Variants in KDM4B observed in about 807,000 individuals in gnomAD.
KDM4B encodes lysine demethylase 4B.
In KDM4B, 32 loss-of-function variants were observed where a neutral mutation model predicts 125.2. The ratio of observed to expected loss-of-function variants is 0.26; its 90% CI spans 0.19 to 0.34. KDM4B has a LOEUF of 0.34. Ranked by LOEUF, KDM4B falls within the 10% of genes least tolerant of loss-of-function variation. The pLI, the probability that KDM4B is intolerant of heterozygous loss-of-function variation, is 1.00. For synonymous variants in KDM4B, 721 were observed against 677.9 expected (o/e 1.06, Z -0.99); for missense variants, 1,190 against 1,577.7 (o/e 0.75, Z 4.16).
In KDM4B at chr19:5,111,403, C is replaced by A. The variant is rs374411294; in HGVS notation, c.1115+585C>A. On this transcript the variant is annotated intron_variant, in intron 10 of 22. Transcript: ENST00000159111. ...CCCTCCCTGCGTATCGCCGCACAGACCCTCCCAGCCAGGTATCTGGTGTCC... is the reference window on the plus strand; with the variant it reads ...CCCTCCCTGCGTATCGCCGCACAGAACCTCCCAGCCAGGTATCTGGTGTCC... 5.2e-6 allele frequency: 4 copies of A among 765,318 alleles called. No individual in the cohort carries two copies. In the South Asian group the frequency reaches 5.4e-5, roughly 10 times the overall value. 47.4% of individuals were successfully genotyped at this position (765,318 alleles called of 1,614,324 possible).
At chr19:5,047,429 T>G (rs1474231050) in intron 5 of KDM4B, 47 bp from the exon 6 acceptor site, 1 of 1,508,286 alleles carries the variant, frequency 6.6e-7, no homozygotes, top group Non-Finnish European at 9.0e-7. Flanking sequence ...GCTCGCAGGT[T>G]CTGGGGGTGG....
Position 5,000,509 on chromosome 19 carries a change from C to T in KDM4B, c.-108-15748C>T, listed in dbSNP as rs116135653. Among the ~76,000 whole-genome samples, 754 of 152,132 alleles carry T rather than the reference C, an allele frequency of 5.0e-3. 8 individuals are homozygous for T. The highest frequency in any genetic ancestry group is 0.017 in the African/African-American group (722 of 41,494). ...GAAACCTCTAGTTCCAGCCCCACAC[C>T]CAGGGTCCCTTACCATCTTTCCCCA... On this transcript the variant is annotated intron_variant, in intron 1 of 22. Coordinates refer to ENST00000159111, the MANE Select transcript of KDM4B (RefSeq NM_015015.3).
intron 12 of KDM4B, 50 bp downstream of exon 12, chr19:5,131,595 C>CCGGGG (rs2146058290): frequency 2.2e-5 from 4 of 181,614 alleles, no homozygotes; most frequent in East Asian, 1.6e-4. Context: ...TGGGGTGGGG[C>CCGGGG]AGGGGAGGAG....
At chr19:5,053,751 C>A (rs975372703) in intron 6 of KDM4B, among the ~76,000 whole-genome samples, 1 of 152,256 alleles carries the variant, frequency 6.6e-6, no homozygotes, top group African/African-American at 2.4e-5. Flanking sequence ...GCAAGTGAGG[C>A]CCCCAGGCCC....
At chr19:5,025,219 C>T (rs1042303917) in intron 2 of KDM4B, among the ~76,000 whole-genome samples, 1 of 151,784 alleles carries the variant, frequency 6.6e-6, no homozygotes, top group Non-Finnish European at 1.5e-5. Context: ...TGGTGGCTCA[C>T]GCCTATAATC....
intron 6 of KDM4B, among the ~76,000 whole-genome samples, chr19:5,057,916 C>T (rs988076344): frequency 1.3e-5 from 2 of 152,210 alleles, no homozygotes; most frequent in African/African-American, 4.8e-5. Context: ...TGCAGGGATG[C>T]GGGGACCGAG....
intron 3 of KDM4B, among the ~76,000 whole-genome samples, 191 bp from the exon 4 acceptor site, chr19:5,039,645 G>T (rs968234660): frequency 1.3e-5 from 2 of 152,116 alleles, no homozygotes; most frequent in African/African-American, 4.8e-5. Flanking sequence ...AGCAGGTGAG[G>T]CCCTTGTTGG....
chr19:5,011,816 C>A (rs1360257780), intron 1 of KDM4B, among the ~76,000 whole-genome samples: 1 of 152,244 alleles, frequency 6.6e-6, no homozygotes, highest in Non-Finnish European at 1.5e-5. Flanking sequence ...AGAGTACCTC[C>A]TTTTGGGGGG....
intron 2 of KDM4B, among the ~76,000 whole-genome samples, chr19:5,020,579 C>G (rs2036083439): frequency 6.6e-6 from 1 of 152,172 alleles, no homozygotes; most frequent in South Asian, 2.1e-4. Flanking sequence ...ACCCTGGAGC[C>G]GTCGCTTGGT....
Position 4,969,479 on chromosome 19 carries a change from C to A in KDM4B, c.-109+249C>A, listed in dbSNP as rs1297024293. 1.0e-4 allele frequency among the ~76,000 whole-genome samples: 15 copies of A among 148,870 alleles called. No homozygotes were observed. In the East Asian group the frequency reaches 2.0e-3, roughly 20 times the overall value. ...CGGGGCCGGACAATGGCGGGGCGCG[C>A]CCAGGGGCGGGAGCGGGGGCCCCTT... On this transcript the variant is annotated intron_variant, in intron 1 of 22. Coordinates refer to ENST00000159111, the MANE Select transcript of KDM4B (RefSeq NM_015015.3).
Position 5,082,440 on chromosome 19 carries a change from A to G in KDM4B, c.854A>G (p.Asn285Ser). 6.2e-7 allele frequency: 1 copy of G among 1,613,562 alleles called. No individual in the cohort carries two copies. Among genetic ancestry groups the G allele is most frequent in the Non-Finnish European group, 8.5e-7 (1 of 1,179,890 alleles). ...CACGCCGGCTTCAATCACGGGTTCAACTGCGCAGAATCTACCAACTTCGCC... is the reference window on the plus strand; with the variant it reads ...CACGCCGGCTTCAATCACGGGTTCAGCTGCGCAGAATCTACCAACTTCGCC... ...GYHAGFNHGF[N>S]CAESTNFATL... is the part of the protein sequence containing the mutation. The change falls in exon 9 of 23, where the codon AAC becomes AGC. Residue 285 changes from asparagine to serine, a missense_variant. Physicochemically the swap from Asn to Ser is conservative, Grantham distance 46 (BLOSUM62 1). Coordinates refer to ENST00000159111, the MANE Select transcript of KDM4B (RefSeq NM_015015.3). This position sits in a 1 kb window ranked among gnomAD's most constrained non-coding sequence, Gnocchi z 5.4.
At chr19:5,025,963 A>G (rs1419941250) in intron 2 of KDM4B, among the ~76,000 whole-genome samples, 1 of 151,562 alleles carries the variant, frequency 6.6e-6, no homozygotes, top group African/African-American at 2.4e-5. Context: ...GCTCAATGCA[A>G]CCTCTGCCTC....
At chr19:4,998,905 T>C (rs2035283656) in intron 1 of KDM4B, among the ~76,000 whole-genome samples, 2 of 152,188 alleles carry the variant, frequency 1.3e-5, no homozygotes, top group African/African-American at 4.8e-5. Context: ...GGGTCCTTCT[T>C]AGTGCGCCCT....
intron 1 of KDM4B, among the ~76,000 whole-genome samples, chr19:5,010,388 G>A (rs145355090): frequency 2.0e-5 from 3 of 152,142 alleles, no homozygotes; most frequent in African/African-American, 4.8e-5. Context: ...GACCGTGGCC[G>A]CCTGGCTGAG....
chr19:5,059,447 A>C (rs1297456592), intron 6 of KDM4B, among the ~76,000 whole-genome samples: 1 of 152,174 alleles, frequency 6.6e-6, no homozygotes, highest in Non-Finnish European at 1.5e-5. Flanking sequence ...AGCCAAGCAG[A>C]CTTAACCCGT....
intron 9 of KDM4B, among the ~76,000 whole-genome samples, chr19:5,105,867 C>G (rs1190652839): frequency 6.6e-6 from 1 of 152,244 alleles, no homozygotes; most frequent in Non-Finnish European, 1.5e-5. Context: ...AATGAATGGG[C>G]CTGGCTATGT....
chr19:5,029,635 A>G (rs996866905), intron 2 of KDM4B, among the ~76,000 whole-genome samples: 4 of 152,120 alleles, frequency 2.6e-5, no homozygotes, highest in African/African-American at 9.7e-5. Flanking sequence ...ATTAGCAGCC[A>G]GGGCAACATG....
At position 4,969,251 on chromosome 19, in the gene KDM4B, C is replaced by T. The variant is rs1194313667; in HGVS notation, c.-109+21C>T. ...CTCAGGTGAGCCCACGGGGAGGCCGCCCGGCCGTGTCCGAGCGCGGACCCC... is the reference window on the plus strand; with the variant it reads ...CTCAGGTGAGCCCACGGGGAGGCCGTCCGGCCGTGTCCGAGCGCGGACCCC... On this transcript the variant is annotated intron_variant, in intron 1 of 22. Transcript: ENST00000159111. The T allele has an allele frequency of 1.0e-4, 15 of 147,626 alleles. 1 individual carries two copies. The highest frequency in any genetic ancestry group is 8.7e-4 in the Admixed American group (13 of 14,878). 9.1% of individuals were successfully genotyped at this position (147,626 alleles called of 1,614,324 possible). A position where few individuals can be genotyped will look rare whatever the true frequency, so the allele number is the denominator to read the frequency against.
chr19:5,042,280 C>T (rs2036843100), intron 5 of KDM4B, among the ~76,000 whole-genome samples: 4 of 152,094 alleles, frequency 2.6e-5, no homozygotes, highest in Non-Finnish European at 4.4e-5. Flanking sequence ...GTGGGCAGAT[C>T]ACTTGAGGTC....
Sources: allele counts gnomAD v4.1 joint callset (sites outside exome capture counted in the v4.1 genomes callset), GRCh38; gene constraint gnomAD v4.1.1; non-coding constraint Gnocchi (gnomAD v3.1); transcripts MANE v1.5; gene names NCBI Gene and HGNC (gene_info 2026-07-23, HGNC 2026-07-21).